NOS1: variants seen among roughly 807,000 people sequenced by gnomAD.
NOS1 encodes NOS type I.
In NOS1, 51 loss-of-function variants were observed where a neutral mutation model predicts 164.5. That is an observed-to-expected ratio of 0.31 (90% CI 0.25 to 0.39). NOS1 has a LOEUF of 0.39. NOS1 is among the 10% of genes least tolerant of loss of function. The probability of loss-of-function intolerance (pLI) is 1.00; values close to 1 mark genes in which losing one functional copy is unlikely to be tolerated. For missense variants in NOS1, 1,362 were observed against 1,885.6 expected (o/e 0.72, Z 5.14); for synonymous variants, 719 against 745.8 (o/e 0.96, Z 0.59).
chr12:117,319,127 A>G (rs926163325), intron 2 of NOS1, among the ~76,000 whole-genome samples: 2 of 152,204 alleles, frequency 1.3e-5, no homozygotes, highest in Non-Finnish European at 2.9e-5. Flanking sequence ...TCATAGCTCA[A>G]TGCAGCCTCG....
At chr12:117,220,048 G>C in intron 27 of NOS1, 27 bp downstream of exon 27, 1 of 1,580,440 alleles carries the variant, frequency 6.3e-7, no homozygotes, top group Non-Finnish European at 8.6e-7. Context: ...TAGGAAAAGG[G>C]ACCTGGGAAG....
chr12:117,294,447 C>G (rs1873280893), intron 3 of NOS1, among the ~76,000 whole-genome samples: 1 of 152,118 alleles, frequency 6.6e-6, no homozygotes. Flanking sequence ...CGAGTGCGAG[C>G]CGTGCCACCC....
intron 20 of NOS1, among the ~76,000 whole-genome samples, chr12:117,237,257 G>A (rs568975809): frequency 1.3e-5 from 2 of 151,846 alleles, no homozygotes; most frequent in Admixed American, 1.3e-4. Flanking sequence ...TCAGCCTCCC[G>A]AGTAGCTGGG....
At chr12:117,307,841 A>AC (rs765707399) in intron 3 of NOS1, among the ~76,000 whole-genome samples, 6 of 151,012 alleles carry the variant, frequency 4.0e-5, no homozygotes, top group African/African-American at 1.5e-4. Context: ...AGATGGTGAA[A>AC]CCCCATCTCC....
intron 2 of NOS1, among the ~76,000 whole-genome samples, chr12:117,316,623 C>A (rs1167740019): frequency 2.0e-5 from 3 of 152,130 alleles, no homozygotes; most frequent in African/African-American, 7.2e-5. Context: ...AAAACGGATG[C>A]CCAGAGAGAT....
intron 22 of NOS1, among the ~76,000 whole-genome samples, chr12:117,231,231 C>T (rs9658495): frequency 0.021 from 3,247 of 151,850 alleles, 112 homozygotes; most frequent in African/African-American, 0.075. Context: ...GCACGAGAAT[C>T]CTTTGAGCCC....
intron 2 of NOS1, among the ~76,000 whole-genome samples, chr12:117,319,610 A>C (rs1874822204): frequency 6.6e-6 from 1 of 152,158 alleles, no homozygotes; most frequent in African/African-American, 2.4e-5. Flanking sequence ...AAAGATGTAG[A>C]TTCTGTGTTA....
At chr12:117,265,172 T>G (rs555971840) in intron 12 of NOS1, 144 bp downstream of exon 12, 2 of 577,304 alleles carry the variant, frequency 3.5e-6, no homozygotes, top group East Asian at 6.4e-5. Context: ...TTCTTTCAGC[T>G]AGACCTGTGC....
chr12:117,332,935 C>G (rs1875617579), intron 1 of NOS1, among the ~76,000 whole-genome samples: 1 of 152,194 alleles, frequency 6.6e-6, no homozygotes, highest in Admixed American at 6.5e-5. Context: ...CCCTGAAATG[C>G]TGGAATCTTG....
intron 5 of NOS1, 119 bp downstream of exon 5, chr12:117,287,955 G>T: frequency 9.2e-7 from 1 of 1,081,696 alleles, no homozygotes; most frequent in Non-Finnish European, 1.4e-6. Flanking sequence ...CCAGTCTTAA[G>T]CCTCTGTGTA....
chr12:117,258,612 C>T (rs1335790225), intron 15 of NOS1, among the ~76,000 whole-genome samples, 157 bp from the exon 16 acceptor site: 1 of 152,092 alleles, frequency 6.6e-6, no homozygotes, highest in African/African-American at 2.4e-5. Flanking sequence ...GACAGTAATG[C>T]CTGGGCTACA....
chr12:117,313,466 TAA>T (rs1457324674), intron 2 of NOS1, among the ~76,000 whole-genome samples: 1 of 151,904 alleles, frequency 6.6e-6, no homozygotes, highest in Non-Finnish European at 1.5e-5. Context: ...GGCAATGTTT[TAA>T]GTTTTTTTGT....
intron 1 of NOS1, among the ~76,000 whole-genome samples, chr12:117,337,454 A>G (rs539435815): frequency 1.3e-5 from 2 of 152,240 alleles, no homozygotes; most frequent in South Asian, 4.2e-4. Flanking sequence ...ATAAAGCCCA[A>G]CATTACACAC....
rs372624255 is a variant in NOS1 at position 117,276,563 on chromosome 12, G to A, written c.1664+1396C>T. 1.2e-4 allele frequency among the ~76,000 whole-genome samples: 18 copies of A among 152,218 alleles called. No individual in the cohort carries two copies. In the South Asian group the frequency reaches 2.9e-3, roughly 25 times the overall value. Reference sequence around the variant, plus strand: ...CTCCCAAAGTGCTGGAATTACAGGCGTGAGCCACCATGCCTCTATTTCTTT... The same window carrying A: ...CTCCCAAAGTGCTGGAATTACAGGCATGAGCCACCATGCCTCTATTTCTTT... On this transcript the variant is annotated intron_variant, in intron 9 of 28. Transcript: ENST00000317775.
In NOS1 at chr12:117,218,019, C is replaced by T. The variant is rs963164695; in HGVS notation, c.4289+27G>A. The T allele has an allele frequency of 2.0e-6, 3 of 1,524,342 alleles. 1 individual carries two copies. The South Asian group carries it at 3.4e-5, about 17-fold the overall frequency. 94.4% of individuals were successfully genotyped at this position (1,524,342 alleles called of 1,614,324 possible). ...CCTAGAAGAGAGGGCTCTTCCTGCCCCTCACCCAGGGATGGAGCCAGCTTA... is the reference window on the plus strand; with the variant it reads ...CCTAGAAGAGAGGGCTCTTCCTGCCTCTCACCCAGGGATGGAGCCAGCTTA... On this transcript the variant is annotated intron_variant, in intron 28 of 28. Transcript: ENST00000317775.
In NOS1 at chr12:117,305,035, T is replaced by A. The variant is rs539777327; in HGVS notation, c.852+6431A>T. On this transcript the variant is annotated intron_variant, in intron 3 of 28. Transcript: ENST00000317775. ...TGCTTTGCTGCCCTGCCCAGCCATT[T>A]CTCAACCCCCACCTATCCCTTCCTG... is the stretch of plus-strand genomic sequence containing the variant. 4.6e-3 allele frequency: 4,502 copies of A among 985,434 alleles called. 14 individuals carry two copies. Among genetic ancestry groups the A allele is most frequent in the Non-Finnish European group, 5.2e-3 (4,292 of 829,930 alleles). The allele number at this position is 985,434 out of a possible 1,614,324, so 61.0% of individuals were successfully genotyped here.
rs3741476 is a variant in NOS1 at position 117,234,330 on chromosome 12, T to G, written c.3235+235A>C. Among the ~76,000 whole-genome samples the G allele has an allele frequency of 6.6e-6, 1 of 152,040 alleles. No individual in the cohort carries two copies. The highest frequency in any genetic ancestry group is 2.4e-5 in the African/African-American group (1 of 41,404). On this transcript the variant is annotated intron_variant, in intron 21 of 28. Coordinates refer to ENST00000317775, the MANE Select transcript of NOS1 (RefSeq NM_000620.5). This position sits in a 1 kb window ranked among gnomAD's most constrained non-coding sequence, Gnocchi z 4.3. ...AATGAAGGAAGGTAGCAGCCCCCTTTTTTCAATGGTGAGCCATCAATGGCC... is the reference window on the plus strand; with the variant it reads ...AATGAAGGAAGGTAGCAGCCCCCTTGTTTCAATGGTGAGCCATCAATGGCC...
intron 2 of NOS1, among the ~76,000 whole-genome samples, chr12:117,314,921 C>T (rs1404239134): frequency 6.6e-6 from 1 of 152,196 alleles, no homozygotes; most frequent in East Asian, 1.9e-4. Flanking sequence ...GTAGGAAAAA[C>T]TGGTTAGGAT....
chr12:117,285,049 C>A (rs143275050), intron 7 of NOS1, among the ~76,000 whole-genome samples, 192 bp downstream of exon 7: 135 of 134,544 alleles, frequency 1.0e-3, no homozygotes, highest in Admixed American at 1.5e-3. Flanking sequence ...GACTCTGTCT[C>A]AAAAAAAAAA....
Sources: allele counts gnomAD v4.1 joint callset (sites outside exome capture counted in the v4.1 genomes callset), GRCh38; gene constraint gnomAD v4.1.1; non-coding constraint Gnocchi (gnomAD v3.1); transcripts MANE v1.5; gene names NCBI Gene and HGNC (gene_info 2026-07-23, HGNC 2026-07-21).